The following SYTL5 variants were observed in gnomAD, a reference collection of about 807,000 sequenced individuals.
The protein encoded by SYTL5 is synaptotagmin like 5.
SYTL5 carries 34 observed loss-of-function variants against 55.9 expected under a neutral mutation model. The observed-to-expected ratio is 0.61, with a 90% CI of 0.46 to 0.81. The LOEUF (loss-of-function observed/expected upper bound fraction) is 0.81. Ranked by LOEUF, SYTL5 falls within the 30% of genes least tolerant of loss-of-function variation. The pLI is 0.00. For synonymous variants in SYTL5, 221 were observed against 188.7 expected, an observed-to-expected ratio of 1.17 and a Z score of -1.40; for missense variants, 637 against 546.7, an observed-to-expected ratio of 1.17 and a Z score of -1.65.
At chrX:38,102,494 A>T in intron 10 of SYTL5, 60 bp downstream of exon 10, 2 of 822,356 alleles carry the variant, frequency 2.4e-6, no homozygotes, top group Non-Finnish European at 3.7e-6. Flanking sequence ...TTTTCTGTGC[A>T]TTTCCAAAGG....
At chrX:37,920,332 A>C in the SYTL5 span, among the ~76,000 whole-genome samples, 2 of 110,123 alleles carry the variant, frequency 1.8e-5, no homozygotes, top group African/African-American at 6.6e-5. Flanking sequence ...TGGCATCAAG[A>C]CTTCAGGCCA....
At chrX:38,105,901 C>G (rs1460035427) in intron 10 of SYTL5, among the ~76,000 whole-genome samples, 2 of 111,530 alleles carry the variant, frequency 1.8e-5, no homozygotes, top group East Asian at 5.6e-4. Flanking sequence ...ATTTATTTTC[C>G]TGATTGGTTG....
At chrX:38,086,460 C>T (rs1235968834) in intron 6 of SYTL5, among the ~76,000 whole-genome samples, 2 of 111,880 alleles carry the variant, frequency 1.8e-5, no homozygotes, top group Non-Finnish European at 3.8e-5. Context: ...TTCAGCAACC[C>T]AGAATATCCA....
chrX:38,008,229 A>C (rs1260912705), intron 1 of SYTL5, among the ~76,000 whole-genome samples: 2 of 111,924 alleles, frequency 1.8e-5, no homozygotes, highest in Non-Finnish European at 3.8e-5. Flanking sequence ...CTTAAAATCT[A>C]CTTGTAAATA....
chrX:38,073,499 C>T (rs1936316660), intron 4 of SYTL5, 91 bp from the exon 5 acceptor site: 3 of 652,478 alleles, frequency 4.6e-6, no homozygotes, highest in Non-Finnish European at 7.0e-6. Context: ...TTGCCCTGAG[C>T]TAATCTGGGA....
the SYTL5 span, among the ~76,000 whole-genome samples, chrX:37,905,366 C>G: frequency 2.1e-5 from 2 of 93,730 alleles, no homozygotes; most frequent in African/African-American, 4.1e-5. Flanking sequence ...TAGGTACAAA[C>G]TGTGGGAGGT....
chrX:37,982,615 G>T, the SYTL5 span, among the ~76,000 whole-genome samples: 2 of 111,574 alleles, frequency 1.8e-5, no homozygotes, highest in Non-Finnish European at 3.8e-5. Context: ...AATAATGTAT[G>T]TCATACATGT....
chrX:37,986,410 CAG>C, the SYTL5 span, among the ~76,000 whole-genome samples: 3 of 111,325 alleles, frequency 2.7e-5, no homozygotes, highest in African/African-American at 9.8e-5. Context: ...GTAATTAGAA[CAG>C]AACAGAACAG....
At chrX:37,932,864 A>G in the SYTL5 span, among the ~76,000 whole-genome samples, 1 of 109,167 alleles carries the variant, frequency 9.2e-6, no homozygotes, top group Non-Finnish European at 1.9e-5. Flanking sequence ...TTGATCTCTC[A>G]CTCTCTACAT....
At chrX:38,011,213 A>G (rs1934169419) in intron 1 of SYTL5, among the ~76,000 whole-genome samples, 1 of 112,650 alleles carries the variant, frequency 8.9e-6, no homozygotes, top group South Asian at 3.6e-4. Flanking sequence ...CATAAGATTT[A>G]TACTAAGTAA....
At chrX:38,023,625 C>A (rs1264948008) in intron 1 of SYTL5, among the ~76,000 whole-genome samples, 1 of 111,442 alleles carries the variant, frequency 9.0e-6, no homozygotes, top group Non-Finnish European at 1.9e-5. Context: ...AGATATTTTC[C>A]ATGTCAATAT....
chrX:37,995,649 C>G, the SYTL5 span, among the ~76,000 whole-genome samples: 6 of 112,047 alleles, frequency 5.4e-5, no homozygotes, highest in Admixed American at 1.9e-4. Context: ...GTGACAACAG[C>G]GCCCTCTCCA....
At chrX:37,950,809 G>A in the SYTL5 span, among the ~76,000 whole-genome samples, 1 of 111,481 alleles carries the variant, frequency 9.0e-6, no homozygotes, top group Non-Finnish European at 1.9e-5. Context: ...GGCTATGAAA[G>A]TATAAAGATG....
At chrX:38,108,099 C>T (rs988164824) in intron 11 of SYTL5, among the ~76,000 whole-genome samples, 3 of 112,006 alleles carry the variant, frequency 2.7e-5, no homozygotes, top group Non-Finnish European at 5.6e-5. Flanking sequence ...TGACCCCACT[C>T]TCTGACATCA....
At chrX:37,982,389 A>G in the SYTL5 span, among the ~76,000 whole-genome samples, 1 of 111,994 alleles carries the variant, frequency 8.9e-6, no homozygotes, top group Non-Finnish European at 1.9e-5. Context: ...GAGGAGCAGA[A>G]AGAAAAAAAG....
upstream of SYTL5, among the ~76,000 whole-genome samples, chrX:38,005,496 T>C (rs1884691): frequency 0.35 from 39,094 of 110,176 alleles, 5,159 homozygotes; most frequent in Middle Eastern, 0.44. Flanking sequence ...TTTATAAATG[T>C]ACAGATAGTG....
At chrX:37,992,852 TACATAATC>T in the SYTL5 span, among the ~76,000 whole-genome samples, 1 of 112,086 alleles carries the variant, frequency 8.9e-6, no homozygotes, top group East Asian at 2.8e-4. Flanking sequence ...AGGAAAACTT[TACATAATC>T]ACACAATCAG....
intron 2 of SYTL5, among the ~76,000 whole-genome samples, chrX:38,051,158 A>G (rs1401848406): frequency 8.9e-6 from 1 of 111,796 alleles, no homozygotes; most frequent in Non-Finnish European, 1.9e-5. Context: ...TTTAAGAAGA[A>G]TTATGTTGCT....
At chrX:37,927,099 C>T in the SYTL5 span, among the ~76,000 whole-genome samples, 1 of 111,860 alleles carries the variant, frequency 8.9e-6, no homozygotes, top group African/African-American at 3.2e-5. Context: ...CATTTTTTCA[C>T]ATAAATAAAT....
Sources: allele counts gnomAD v4.1 joint callset (sites outside exome capture counted in the v4.1 genomes callset), GRCh38; gene constraint gnomAD v4.1.1; transcripts MANE v1.5; gene names NCBI Gene and HGNC (gene_info 2026-07-23, HGNC 2026-07-21).